SORCS1: variants seen among roughly 807,000 people sequenced by gnomAD.
The protein encoded by SORCS1 is sortilin related VPS10 domain containing receptor 1.
A neutral mutation model predicts 146.1 loss-of-function variants in SORCS1; 60 were observed. The observed-to-expected ratio is 0.41, with a 90% CI of 0.33 to 0.51. The LOEUF is 0.51. Among genes scored for constraint, SORCS1 ranks in the 20% least tolerant of loss-of-function variants. SORCS1 has a pLI of 0.21. For synonymous variants in SORCS1, 637 were observed against 584.0 expected (o/e 1.09, Z -1.31); for missense variants, 1,352 against 1,487.6 (o/e 0.91, Z 1.50).
chr10:106,944,026 ATCACC>A (rs1191738024), intron 2 of SORCS1, among the ~76,000 whole-genome samples: 1 of 152,064 alleles, frequency 6.6e-6, no homozygotes, highest in Non-Finnish European at 1.5e-5. Context: ...ATCTATTAAA[ATCACC>A]CCCACACTCT....
chr10:106,693,886 T>G (rs554927008), intron 9 of SORCS1, among the ~76,000 whole-genome samples: 2 of 152,270 alleles, frequency 1.3e-5, no homozygotes, highest in South Asian at 2.1e-4. Context: ...GTGCAAGAGT[T>G]TTTGCTTATT....
intron 5 of SORCS1, among the ~76,000 whole-genome samples, chr10:106,741,637 TG>T (rs1857373602): frequency 6.8e-6 from 1 of 147,516 alleles, no homozygotes; most frequent in African/African-American, 2.5e-5. Flanking sequence ...AGAGAGAGAG[TG>T]AGAGAGAGAG....
At chr10:107,173,985 C>G in the SORCS1 span, among the ~76,000 whole-genome samples, 6 of 152,148 alleles carry the variant, frequency 3.9e-5, no homozygotes, top group Non-Finnish European at 8.8e-5. Flanking sequence ...TCCCTTAGTT[C>G]TTCCAGCGTG....
intron 1 of SORCS1, among the ~76,000 whole-genome samples, chr10:107,040,845 C>T (rs1376075009): frequency 2.0e-5 from 3 of 152,050 alleles, no homozygotes; most frequent in Admixed American, 6.6e-5. Context: ...TATTTACCAG[C>T]GTTGGAAATG....
chr10:107,066,209 T>G (rs1381694312), intron 1 of SORCS1, among the ~76,000 whole-genome samples: 1 of 152,304 alleles, frequency 6.6e-6, no homozygotes, highest in African/African-American at 2.4e-5. Context: ...TCTGAGCCCA[T>G]GCTTGGGGTT....
intron 2 of SORCS1, among the ~76,000 whole-genome samples, chr10:106,851,014 C>T (rs1949548685): frequency 6.6e-6 from 1 of 152,198 alleles, no homozygotes; most frequent in Non-Finnish European, 1.5e-5. Flanking sequence ...TCCCAGTGTT[C>T]TACCATATCT....
At chr10:107,080,893 C>T (rs1490153175) in intron 1 of SORCS1, among the ~76,000 whole-genome samples, 3 of 152,162 alleles carry the variant, frequency 2.0e-5, no homozygotes, top group Non-Finnish European at 4.4e-5. Context: ...ACCCTTCTTT[C>T]TATTCTGCAT....
chr10:106,679,724 G>A lies in SORCS1; in HGVS notation c.1571C>T (p.Ser524Leu). 6.2e-7 allele frequency: 1 copy of A among 1,609,280 alleles called. No homozygotes were observed. Among genetic ancestry groups the A allele is most frequent in the Non-Finnish European group, 8.5e-7 (1 of 1,177,218 alleles). Residue 524 changes from serine to leucine, a missense_variant, in exon 11 of 26, where the codon TCA becomes TTA. Around this residue, in one of 3 missense-constraint regions of SORCS1, gnomAD observed 648 missense variants for 793.8 expected, o/e 0.82. Transcript: ENST00000263054. ...DPVHCLLPYC[S>L]LHLHLKVSEN... is the part of the protein sequence containing the mutation. ...AGAGACCTTCAGGTGAAGGTGTAGT[G>A]AGCAATAGGGCTGAAAAGAGAAATA...
intron 3 of SORCS1, among the ~76,000 whole-genome samples, chr10:106,785,355 A>C (rs1385462596): frequency 1.3e-5 from 2 of 152,064 alleles, no homozygotes; most frequent in East Asian, 3.9e-4. Flanking sequence ...AATTGCCTAC[A>C]TCCCTCCTCT....
chr10:107,052,060 T>C (rs374766415), intron 1 of SORCS1, among the ~76,000 whole-genome samples: 3 of 152,308 alleles, frequency 2.0e-5, no homozygotes, highest in African/African-American at 7.2e-5. Flanking sequence ...TTATTCATGC[T>C]TCAATTGTTG....
intron 6 of SORCS1, among the ~76,000 whole-genome samples, chr10:106,720,777 A>C (rs1482649449): frequency 6.6e-6 from 1 of 152,062 alleles, no homozygotes; most frequent in Non-Finnish European, 1.5e-5. Context: ...TCAGCATGGA[A>C]GATAAGGGCA....
chr10:106,799,898 AG>A (rs1400561982), intron 3 of SORCS1, among the ~76,000 whole-genome samples: 5 of 152,252 alleles, frequency 3.3e-5, no homozygotes, highest in African/African-American at 1.2e-4. Context: ...AGACTAACAC[AG>A]GTCCTAAAAG....
chr10:107,150,650 G>T (rs7901910), intron 1 of SORCS1, among the ~76,000 whole-genome samples: 5,754 of 152,264 alleles, frequency 0.038, 252 homozygotes, highest in African/African-American at 0.11. Context: ...ATCTTCAATT[G>T]TAGTTCACAT....
intron 1 of SORCS1, among the ~76,000 whole-genome samples, chr10:107,114,711 C>T (rs1376324048): frequency 2.0e-5 from 3 of 152,086 alleles, no homozygotes; most frequent in Non-Finnish European, 4.4e-5. Context: ...AGCATACACA[C>T]TCTCATCACT....
intron 1 of SORCS1, among the ~76,000 whole-genome samples, chr10:107,077,567 T>C (rs980179244): frequency 6.6e-6 from 1 of 151,152 alleles, no homozygotes; most frequent in African/African-American, 2.4e-5. Flanking sequence ...TTAAGATTTG[T>C]TATATAGCAA....
At chr10:106,755,838 G>A (rs1858594866) in intron 5 of SORCS1, among the ~76,000 whole-genome samples, 1 of 152,128 alleles carries the variant, frequency 6.6e-6, no homozygotes. Flanking sequence ...CTGTTAAAAT[G>A]TAAGCCTAGG....
intron 2 of SORCS1, among the ~76,000 whole-genome samples, chr10:106,934,998 C>A (rs2138647527): frequency 6.6e-6 from 1 of 152,190 alleles, no homozygotes; most frequent in East Asian, 1.9e-4. Context: ...ACACTAAAAT[C>A]TCAGACTTCA....
At chr10:106,946,182 G>A (rs1022275300) in intron 2 of SORCS1, among the ~76,000 whole-genome samples, 22 of 150,752 alleles carry the variant, frequency 1.5e-4, no homozygotes, top group Admixed American at 2.0e-4. Flanking sequence ...CTGGCTTTCA[G>A]TGACACTAAA....
At chr10:106,638,027 C>T (rs916236529) in intron 18 of SORCS1, among the ~76,000 whole-genome samples, 1 of 152,168 alleles carries the variant, frequency 6.6e-6, no homozygotes, top group African/African-American at 2.4e-5. Context: ...GCTGGGGCCT[C>T]TGTACTCCCT....
Sources: gnomAD v4.1 joint callset for allele counts (sites outside exome capture counted in the v4.1 genomes callset) on GRCh38, gnomAD v4.1.1 for gene constraint, gnomAD v4.1.1 regional missense constraint, MANE v1.5 for transcripts, NCBI Gene and HGNC (gene_info 2026-07-23, HGNC 2026-07-21) for gene names.